The following NT5DC1 variants were observed in gnomAD, a reference collection of about 807,000 sequenced individuals.
The protein encoded by NT5DC1 is 5'-nucleotidase domain containing 1.
A neutral mutation model predicts 59.4 loss-of-function variants in NT5DC1; 42 were observed. The observed-to-expected ratio is 0.71, with a 90% CI of 0.55 to 0.92. NT5DC1 has a LOEUF of 0.92. NT5DC1 is among the 40% of genes least tolerant of loss of function. NT5DC1 has a pLI of 0.00. For missense variants in NT5DC1, 501 were observed against 537.1 expected (o/e 0.93, Z 0.66); for synonymous variants, 172 against 188.1 (o/e 0.91, Z 0.70).
intron 6 of NT5DC1, chr6:116,126,037 G>A (rs555252221): frequency 3.8e-5 from 6 of 157,020 alleles, no homozygotes; most frequent in Non-Finnish European, 7.0e-5. Context: ...AAGTCCACCA[G>A]TAAGCGTACG....
chr6:116,105,819 C>T (rs473643), intron 1 of NT5DC1, among the ~76,000 whole-genome samples: 2,251 of 151,972 alleles, frequency 0.015, 56 homozygotes, highest in African/African-American at 0.052. Context: ...TTTAGATCAC[C>T]TTCCTGGTCC....
intron 6 of NT5DC1, among the ~76,000 whole-genome samples, chr6:116,141,432 G>A (rs1366776017): frequency 6.6e-6 from 1 of 151,924 alleles, no homozygotes; most frequent in African/African-American, 2.4e-5. Context: ...AGACTCCATT[G>A]TTCAAAATAA....
intron 6 of NT5DC1, among the ~76,000 whole-genome samples, chr6:116,178,090 CGCGCGCGCGCGCGTGCGTGCGT>C (rs1562152389): frequency 7.7e-5 from 8 of 103,522 alleles, no homozygotes; most frequent in African/African-American, 2.1e-4. Context: ...TGTGTGTGTG[CGCGCGCGCGCGCGTGCGTGCGT>C]GTGTGTGTGT....
rs993496102 is a variant in NT5DC1, at chr6:116,219,976, A to C, written c.530-1078A>C. On this transcript the variant is annotated intron_variant, in intron 6 of 11. Coordinates refer to ENST00000319550, the MANE Select transcript of NT5DC1 (RefSeq NM_152729.3). ...GACTCTGTCTCAAAAAAAAAAAAAAAAAAAAAAACAACTCTTCTTCCTGAT... is the reference window on the plus strand; with the variant it reads ...GACTCTGTCTCAAAAAAAAAAAAAACAAAAAAAACAACTCTTCTTCCTGAT... 2.9e-4 allele frequency among the ~76,000 whole-genome samples: 44 copies of C among 149,608 alleles called. 2 individuals are homozygous for C. The East Asian group carries it at 3.9e-3, about 13-fold the overall frequency.
chr6:116,242,745 G>T (rs151029296), intron 11 of NT5DC1, among the ~76,000 whole-genome samples: 18 of 152,204 alleles, frequency 1.2e-4, no homozygotes, highest in Admixed American at 9.8e-4. Context: ...TATGCTTTCC[G>T]CTTGGATTCT....
At chr6:116,242,228 G>A (rs1307321765) in intron 11 of NT5DC1, among the ~76,000 whole-genome samples, 1 of 151,084 alleles carries the variant, frequency 6.6e-6, no homozygotes, top group Non-Finnish European at 1.5e-5. Flanking sequence ...AAAATTAGCC[G>A]GGTATGGTGG....
intron 6 of NT5DC1, among the ~76,000 whole-genome samples, chr6:116,150,447 A>G (rs376221773): frequency 6.6e-6 from 1 of 151,790 alleles, no homozygotes; most frequent in East Asian, 1.9e-4. Flanking sequence ...ACCACACCCA[A>G]CTAATTTTTC....
At chr6:116,198,784 C>T (rs1228082398) in intron 6 of NT5DC1, among the ~76,000 whole-genome samples, 2 of 151,870 alleles carry the variant, frequency 1.3e-5, no homozygotes, top group African/African-American at 4.8e-5. Context: ...GATTTGAGAG[C>T]CATGTTTCTT....
At chr6:116,194,457 G>A (rs576919939) in intron 6 of NT5DC1, among the ~76,000 whole-genome samples, 1 of 152,202 alleles carries the variant, frequency 6.6e-6, no homozygotes, top group South Asian at 2.1e-4. Flanking sequence ...TGTGGAAGGG[G>A]ACTGGGAATT....
intron 6 of NT5DC1, among the ~76,000 whole-genome samples, chr6:116,165,797 G>T (rs117292505): frequency 0.037 from 5,684 of 152,328 alleles, 150 homozygotes; most frequent in Non-Finnish European, 0.058. Context: ...CCAGGGACCT[G>T]CTGGTCCCCT....
chr6:116,236,261 A>G (rs916020052), intron 8 of NT5DC1, among the ~76,000 whole-genome samples: 3 of 152,170 alleles, frequency 2.0e-5, no homozygotes, highest in Admixed American at 6.5e-5. Flanking sequence ...ACCTTACTCA[A>G]TCTTCCTTAA....
chr6:116,116,885 T>C (rs1309207126), intron 5 of NT5DC1, among the ~76,000 whole-genome samples: 2 of 152,156 alleles, frequency 1.3e-5, no homozygotes, highest in Middle Eastern at 3.2e-3. Flanking sequence ...TAGTAGTCTG[T>C]CTTTGTTTAG....
chr6:116,150,393 T>C (rs1176160128), intron 6 of NT5DC1, among the ~76,000 whole-genome samples: 1 of 152,146 alleles, frequency 6.6e-6, no homozygotes, highest in Non-Finnish European at 1.5e-5. Flanking sequence ...CAAGCAATTC[T>C]CCTGCCTCAA....
At chr6:116,190,643 C>G (rs1290385582) in intron 6 of NT5DC1, among the ~76,000 whole-genome samples, 2 of 152,018 alleles carry the variant, frequency 1.3e-5, no homozygotes, top group Non-Finnish European at 2.9e-5. Context: ...CACAACTCTG[C>G]TTTATTGGAT....
At chr6:116,218,538 A>T (rs59493240) in intron 6 of NT5DC1, among the ~76,000 whole-genome samples, 1,759 of 152,178 alleles carry the variant, frequency 0.012, 34 homozygotes, top group African/African-American at 0.04. Context: ...CACTCATCAA[A>T]CTTCTCTATT....
chr6:116,233,748 G>A (rs1212875278), intron 8 of NT5DC1, among the ~76,000 whole-genome samples: 1 of 152,150 alleles, frequency 6.6e-6, no homozygotes, highest in Non-Finnish European at 1.5e-5. Context: ...CCTGTAAATT[G>A]AAGGGATTAT....
chr6:116,120,132 G>A, intron 6 of NT5DC1: 1 of 1,614,130 alleles, frequency 6.2e-7, no homozygotes, highest in Middle Eastern at 1.6e-4. Context: ...GAGGAGTATA[G>A]GCCATTTGAC....
At chr6:116,208,155 A>G (rs1166871263) in intron 6 of NT5DC1, among the ~76,000 whole-genome samples, 1 of 151,874 alleles carries the variant, frequency 6.6e-6, no homozygotes, top group African/African-American at 2.4e-5. Flanking sequence ...ATTTTTTCTG[A>G]TCTCTTTGTG....
At chr6:116,147,373 C>T (rs1779924385) in intron 6 of NT5DC1, among the ~76,000 whole-genome samples, 1 of 151,612 alleles carries the variant, frequency 6.6e-6, no homozygotes, top group Non-Finnish European at 1.5e-5. Context: ...ACCCGGGAGG[C>T]AGAGGTTGCA....
Sources: allele counts gnomAD v4.1 joint callset (sites outside exome capture counted in the v4.1 genomes callset), GRCh38; gene constraint gnomAD v4.1.1; transcripts MANE v1.5; gene names NCBI Gene and HGNC (gene_info 2026-07-23, HGNC 2026-07-21).